Variants in AP4B1 observed in about 807,000 individuals in gnomAD.
AP4B1 encodes adaptor related protein complex 4 subunit beta 1.
In AP4B1, 49 loss-of-function variants were observed where a neutral mutation model predicts 76.5. The observed-to-expected ratio is 0.64, with a 90% CI of 0.51 to 0.81. The LOEUF (loss-of-function observed/expected upper bound fraction) is 0.81. Among genes scored for constraint, AP4B1 ranks in the 40% least tolerant of loss-of-function variants. The probability of loss-of-function intolerance (pLI) is 0.00; values close to 1 mark genes in which losing one functional copy is unlikely to be tolerated. For synonymous variants in AP4B1, 330 were observed against 333.3 expected (o/e 0.99, Z 0.11); for missense variants, 911 against 904.9 (o/e 1.01, Z -0.09).
Position 113,902,862 on chromosome 1 carries a change from C to A in AP4B1, c.114G>T (p.Arg38Ser). Residue 38 changes from arginine (R) to serine (S), a missense_variant and splice_region_variant, in exon 2 of 10, where the codon AGG becomes AGT. Transcript: ENST00000369569. ...ACATGTCCAAGCCTTGAGTCATGTA[C>A]CTGAACAACGCACATGACAGAAGGA... ...RYRNVIQRVI[R>S]YMTQGLDMSG... The A allele has an allele frequency of 6.2e-7, 1 of 1,613,816 alleles. No individual in the cohort carries two copies. The highest frequency in any genetic ancestry group is 8.5e-7 in the Non-Finnish European group (1 of 1,179,812).
Position 113,895,122 on chromosome 1 carries a change from A to G in AP4B1, c.2163T>C (p.Asn721=). 6.2e-7 allele frequency: 1 copy of G among 1,614,190 alleles called. No individual in the cohort carries two copies. The highest frequency in any genetic ancestry group is 8.5e-7 in the Non-Finnish European group (1 of 1,180,028). The change falls in exon 10 of 10, where the codon AAT becomes AAC. Residue 721 remains asparagine (N), a synonymous_variant. Transcript: ENST00000369569. The part of the protein sequence containing the change: ...KQNEARTETL[N]SFISVLETVI... Reference sequence around the variant, plus strand: ...CAGTTTCTAATACAGAAATAAAACTATTCAGCGTCTCCGTTCTTGCTTCAT... The same window carrying G: ...CAGTTTCTAATACAGAAATAAAACTGTTCAGCGTCTCCGTTCTTGCTTCAT...
rs753178428 is a variant in AP4B1, at chr1:113,896,043, G to A, written c.1511-5C>T. 1.2e-6 allele frequency: 2 copies of A among 1,614,128 alleles called. No homozygotes were observed. The highest frequency in any genetic ancestry group is 2.2e-5 in the South Asian group (2 of 91,072). On this transcript the variant is annotated splice_polypyrimidine_tract_variant and splice_region_variant and intron_variant, in intron 8 of 9. Transcript: ENST00000369569. ...CAGCCATATCTTTTTCTTCCTCTGAGGTAAGACAACAGATTGACTTCATTA... is the reference window on the plus strand; with the variant it reads ...CAGCCATATCTTTTTCTTCCTCTGAAGTAAGACAACAGATTGACTTCATTA...
In AP4B1 at chr1:113,901,264, T is replaced by A. The variant is rs1444877753; in HGVS notation, c.589A>T (p.Lys197Ter). The A allele has an allele frequency of 6.2e-7, 1 of 1,614,188 alleles. No homozygotes were observed. Among genetic ancestry groups the A allele is most frequent in the South Asian group, 1.1e-5 (1 of 91,076 alleles). ...LKQEGGVVIN[K>*]PIAHHLLNRM... ...TTTAAGAGATGGTGAGCAATGGGCT[T>A]ATTGATGACAACGCCTCCTTCCTGT... The change falls in exon 4 of 10, where the codon AAG becomes TAG. Residue 197 changes from lysine (K) to a stop codon, truncating the protein, a stop_gained. Transcript: ENST00000369569. LOFTEE classifies it high-confidence loss of function.
In AP4B1 at chr1:113,899,388, A is replaced by G. The variant is rs181574067; in HGVS notation, c.1114+516T>C. The G allele has an allele frequency of 1.4e-5, 14 of 981,436 alleles. No homozygotes were observed. In the East Asian group the frequency reaches 1.4e-3, roughly 98 times the overall value. The allele number at this position is 981,436 out of a possible 1,614,324, so 60.8% of individuals were successfully genotyped here. On this transcript the variant is annotated intron_variant, in intron 5 of 9. Coordinates refer to ENST00000369569, the MANE Select transcript of AP4B1 (RefSeq NM_001253852.3). Reference sequence around the variant, plus strand: ...TAGGAATTATTCTGTGTTGGTCTACATTCAGCACAATACATAGCCCATAGC... The same window carrying G: ...TAGGAATTATTCTGTGTTGGTCTACGTTCAGCACAATACATAGCCCATAGC...
Position 113,896,363 on chromosome 1 carries a change from A to C in AP4B1, c.1405T>G (p.Phe469Val). ...AGCAGCTCCATCTTAACAGCTGGAAATGTTTCCGACTTCACATTCTCAACA... is the reference window on the plus strand; with the variant it reads ...AGCAGCTCCATCTTAACAGCTGGAACTGTTTCCGACTTCACATTCTCAACA... ...DFVENVKSET[F>V]PAVKMELLTA... Residue 469 changes from phenylalanine (F) to valine (V), a missense_variant, in exon 8 of 10, where the codon TTT becomes GTT. Transcript: ENST00000369569. 6.2e-7 allele frequency: 1 copy of C among 1,614,204 alleles called. No individual in the cohort carries two copies. The highest frequency in any genetic ancestry group is 1.7e-5 in the Admixed American group (1 of 60,024).
chr1:113,894,975 T>C lies in AP4B1; in HGVS notation c.*90A>G. 7.3e-7 allele frequency: 1 copy of C among 1,362,626 alleles called. No homozygotes were observed. Among genetic ancestry groups the C allele is most frequent in the East Asian group, 2.5e-5 (1 of 40,502 alleles). The allele number at this position is 1,362,626 out of a possible 1,614,324, so 84.4% of individuals were successfully genotyped here. On this transcript the variant is annotated 3_prime_UTR_variant, in exon 10 of 10. Transcript: ENST00000369569. ...ATTTTCCACTCTCCTTTGTATCTGA[T>C]ATTATCTGGACTTACTGGCAGCTCT...
chr1:113,897,813 T>C (rs1667685025), intron 7 of AP4B1, 27 bp downstream of exon 7: 1 of 1,608,520 alleles, frequency 6.2e-7, no homozygotes, highest in African/African-American at 1.3e-5. Context: ...TCCCCCTACC[T>C]AGAAGTAAAG....
chr1:113,904,662 T>A lies in AP4B1; in HGVS notation c.56A>T (p.Asn19Ile). Residue 19 changes from asparagine (N) to isoleucine (I), a missense_variant, in exon 1 of 10, where the codon AAT becomes ATT. Physicochemically the swap from Asn to Ile is moderately radical, Grantham distance 149. Transcript: ENST00000369569. Reference protein sequence around the residue: ...VVKELKKALCNPHIQADRLRY... With the variant: ...VVKELKKALCIPHIQADRLRY... ...CAGCCTATCAGCTTGAATGTGAGGA[T>A]TGCACAGAGCCTTCTTCAGCTCCTT... 1 of 1,613,260 alleles carries A rather than the reference T, an allele frequency of 6.2e-7. No individual in the cohort carries two copies. The highest frequency in any genetic ancestry group is 8.5e-7 in the Non-Finnish European group (1 of 1,180,020).
chr1:113,900,061 A>G lies in AP4B1; in HGVS notation c.957T>C (p.Phe319=), dbSNP rs774177916. The G allele has an allele frequency of 6.2e-7, 1 of 1,614,222 alleles. No individual in the cohort carries two copies. The highest frequency in any genetic ancestry group is 8.5e-7 in the Non-Finnish European group (1 of 1,180,038). Residue 319 remains phenylalanine (F), a synonymous_variant, in exon 5 of 10, where the codon TTT becomes TTC. Coordinates refer to ENST00000369569, the MANE Select transcript of AP4B1 (RefSeq NM_001253852.3). ...GHFSSHYKKF[F]CSYSEPHYIK... ...TGTAGTGGGGCTCCGAGTAGGAGCA[A>G]AAAAACTTTTTGTAGTGGCTGCTAA... is the stretch of plus-strand genomic sequence containing the variant.
chr1:113,904,273 ATACT>A (rs1668685043), intron 1 of AP4B1, among the ~76,000 whole-genome samples: 2 of 152,208 alleles, frequency 1.3e-5, no homozygotes, highest in Non-Finnish European at 2.9e-5. Context: ...TATTTCGGAC[ATACT>A]TTTGATAAAC....
At chr1:113,901,673 T>C in intron 3 of AP4B1, 82 bp downstream of exon 3, 1 of 1,579,872 alleles carries the variant, frequency 6.3e-7, no homozygotes, top group East Asian at 2.2e-5. Flanking sequence ...CACATTATTA[T>C]TTTCTACCAA....
At chr1:113,899,209 C>T in intron 5 of AP4B1, 2 of 1,030,582 alleles carry the variant, frequency 1.9e-6, no homozygotes, top group Non-Finnish European at 2.3e-6. Context: ...CTTCTCTGCC[C>T]CTAAAATAAC....
rs562540610 is a variant in AP4B1, at chr1:113,899,503, T to C, written c.1114+401A>G. On this transcript the variant is annotated intron_variant, in intron 5 of 9. Coordinates refer to ENST00000369569, the MANE Select transcript of AP4B1 (RefSeq NM_001253852.3). ...CCCATTTCTAAAACTATGTGCCCTT[T>C]TGGCAATTTGATAACTGTTTTTGTG... Among the ~76,000 whole-genome samples the C allele has an allele frequency of 9.2e-5, 14 of 152,322 alleles. No individual in the cohort carries two copies. In the East Asian group the frequency reaches 9.7e-4, roughly 11 times the overall value.
In AP4B1 at chr1:113,904,796, G is replaced by C; in HGVS notation, c.-79C>G. Reference sequence around the variant, plus strand: ...CCTTCTCGTCCTGATGTGGGAGCCTGAGTAAAGGAAATATGAGTCAGTGAA... The same window carrying C: ...CCTTCTCGTCCTGATGTGGGAGCCTCAGTAAAGGAAATATGAGTCAGTGAA... On this transcript the variant is annotated 5_prime_UTR_variant, in exon 1 of 10. Transcript: ENST00000369569. 1 of 1,213,110 alleles carries C rather than the reference G, an allele frequency of 8.2e-7. No individual in the cohort carries two copies. The highest frequency in any genetic ancestry group is 1.2e-6 in the Non-Finnish European group (1 of 817,432). 75.1% of individuals were successfully genotyped at this position (1,213,110 alleles called of 1,614,324 possible). A position where few individuals can be genotyped will look rare whatever the true frequency, so the allele number is the denominator to read the frequency against.
chr1:113,899,131 T>A (rs769865927), intron 5 of AP4B1: 193 of 1,140,342 alleles, frequency 1.7e-4, no homozygotes, highest in Non-Finnish European at 2.0e-4. Flanking sequence ...ACACCTGCAA[T>A]GGAGTATTTT....
chr1:113,899,755 G>T, intron 5 of AP4B1, 149 bp downstream of exon 5: 5 of 1,252,106 alleles, frequency 4.0e-6, no homozygotes, highest in East Asian at 2.3e-5. Context: ...CTCTTCCCCC[G>T]TGTTTGTAGT....
At position 113,895,106 on chromosome 1, in the gene AP4B1, A is replaced by G; in HGVS notation, c.2179T>C (p.Leu727=). ...TETLNSFISV[L]ETVIGTIEEI... is the part of the protein sequence containing the mutation. ...TCAATTGTTCCAATCACAGTTTCTA[A>G]TACAGAAATAAAACTATTCAGCGTC... Residue 727 remains leucine (L), a synonymous_variant, in exon 10 of 10, where the codon TTA becomes CTA. Transcript: ENST00000369569. 1 of 1,614,108 alleles carries G rather than the reference A, an allele frequency of 6.2e-7. No homozygotes were observed. Among genetic ancestry groups the G allele is most frequent in the African/African-American group, 1.3e-5 (1 of 75,058 alleles).
chr1:113,896,423 T>A lies in AP4B1; in HGVS notation c.1345A>T (p.Arg449Ter), dbSNP rs142209254. ...LIWLLGVHGE[R>*]IPNAPYVLED... is the part of the protein sequence containing the mutation. ...AACACATAAGGAGCATTAGGAATTC[T>A]TTCCCCATGGACACCAAGTAGCCAA... The change falls in exon 8 of 10, where the codon AGA becomes TGA. Residue 449 changes from arginine to a stop codon, truncating the protein, a stop_gained. Transcript: ENST00000369569. LOFTEE classifies it high-confidence loss of function. The A allele has an allele frequency of 4.3e-6, 7 of 1,614,094 alleles. No homozygotes were observed. In the African/African-American group the frequency reaches 8.0e-5, roughly 18 times the overall value.
chr1:113,902,023 C>A, intron 2 of AP4B1, 138 bp from the exon 3 acceptor site: 1 of 1,111,166 alleles, frequency 9.0e-7, no homozygotes, highest in Non-Finnish European at 1.3e-6. Context: ...CTCTATCAAG[C>A]TTAAAAAGCC....
Sources: gnomAD v4.1 joint callset for allele counts (sites outside exome capture counted in the v4.1 genomes callset) on GRCh38, gnomAD v4.1.1 for gene constraint, MANE v1.5 for transcripts, NCBI Gene and HGNC (gene_info 2026-07-23, HGNC 2026-07-21) for gene names.